SUCLG2: variants seen among roughly 807,000 people sequenced by gnomAD.
SUCLG2 encodes the protein succinate--CoA ligase [GDP-forming] subunit beta, mitochondrial.
Under a neutral mutation model 47.9 loss-of-function variants are expected in SUCLG2, and 42 were observed. That is an observed-to-expected ratio of 0.88 (90% CI 0.69 to 1.14). SUCLG2 has a LOEUF of 1.14. Among genes scored for constraint, SUCLG2 ranks in the 50% most tolerant of loss-of-function variants. The pLI is 0.00. For missense variants in SUCLG2, 571 were observed against 525.9 expected (o/e 1.09, Z -0.84); for synonymous variants, 195 against 197.3 (o/e 0.99, Z 0.10).
intron 9 of SUCLG2, among the ~76,000 whole-genome samples, chr3:67,479,346 G>A (rs117622094): frequency 6.6e-6 from 1 of 151,864 alleles, no homozygotes; most frequent in African/African-American, 2.4e-5. Context: ...AAAAGCAGTG[G>A]TTTTTTCATT....
intron 1 of SUCLG2, among the ~76,000 whole-genome samples, chr3:67,640,702 CT>C (rs1430382298): frequency 6.6e-6 from 1 of 152,212 alleles, no homozygotes; most frequent in African/African-American, 2.4e-5. Flanking sequence ...CCTTTTTCAA[CT>C]ACTGCTATTA....
chr3:67,397,362 A>G (rs13060092), intron 10 of SUCLG2, among the ~76,000 whole-genome samples: 59,999 of 150,048 alleles, frequency 0.4, 12,358 homozygotes, highest in Middle Eastern at 0.53. Flanking sequence ...AATCACAAGC[A>G]TTCTTATACA....
intron 9 of SUCLG2, among the ~76,000 whole-genome samples, chr3:67,433,926 C>CA (rs532103403): frequency 1.3e-5 from 2 of 151,960 alleles, no homozygotes; most frequent in African/African-American, 2.4e-5. Flanking sequence ...TTTCTGTTCA[C>CA]AAAAAATTGT....
chr3:67,503,824 G>C (rs912440045), intron 7 of SUCLG2, among the ~76,000 whole-genome samples: 2 of 152,184 alleles, frequency 1.3e-5, no homozygotes, highest in Non-Finnish European at 2.9e-5. Context: ...TGCATAGGGT[G>C]TTTTGTTGTT....
chr3:67,580,155 GA>G (rs1267364598), intron 2 of SUCLG2, among the ~76,000 whole-genome samples: 1 of 151,776 alleles, frequency 6.6e-6, no homozygotes, highest in African/African-American at 2.4e-5. Context: ...AAACTTCATG[GA>G]ATAAAGAATA....
At chr3:67,368,955 A>C (rs1406459893) in intron 10 of SUCLG2, among the ~76,000 whole-genome samples, 2 of 152,168 alleles carry the variant, frequency 1.3e-5, no homozygotes, top group Admixed American at 6.5e-5. Context: ...ATGTTAAATT[A>C]GTAAATGTAG....
At chr3:67,559,816 A>T (rs1707261433) in intron 2 of SUCLG2, among the ~76,000 whole-genome samples, 1 of 152,152 alleles carries the variant, frequency 6.6e-6, no homozygotes, top group South Asian at 2.1e-4. Context: ...ATAATTAGAC[A>T]TTTGTCCAAA....
chr3:67,642,745 T>C (rs916525167), intron 1 of SUCLG2, among the ~76,000 whole-genome samples: 18 of 152,304 alleles, frequency 1.2e-4, no homozygotes, highest in South Asian at 8.3e-4. Context: ...GCCCACAGAA[T>C]GTGCTTGATA....
chr3:67,577,863 T>C (rs1452587123), intron 2 of SUCLG2, among the ~76,000 whole-genome samples: 3 of 152,178 alleles, frequency 2.0e-5, no homozygotes, highest in African/African-American at 4.8e-5. Flanking sequence ...AATGGAATTA[T>C]AGTTCCATTT....
chr3:67,446,678 C>T (rs981255482), intron 9 of SUCLG2, among the ~76,000 whole-genome samples: 3 of 151,440 alleles, frequency 2.0e-5, no homozygotes, highest in East Asian at 2.0e-4. Flanking sequence ...GTGATGTGCC[C>T]GCCTCGGCCT....
At chr3:67,560,131 G>A (rs1004879778) in intron 2 of SUCLG2, among the ~76,000 whole-genome samples, 3 of 152,166 alleles carry the variant, frequency 2.0e-5, no homozygotes, top group Admixed American at 2.0e-4. Context: ...CAGGACCTCT[G>A]AAAATTCAGT....
At chr3:67,544,422 AG>A (rs779940405) in intron 2 of SUCLG2, among the ~76,000 whole-genome samples, 8 of 152,154 alleles carry the variant, frequency 5.3e-5, no homozygotes, top group South Asian at 2.1e-4. Context: ...ATGGTTTAAA[AG>A]TGGCACTCCC....
chr3:67,399,618 GA>G (rs754723381), intron 10 of SUCLG2, among the ~76,000 whole-genome samples: 7 of 150,858 alleles, frequency 4.6e-5, no homozygotes, highest in Non-Finnish European at 1.0e-4. Context: ...TAACAAATGT[GA>G]TTTTTTTTAT....
intron 10 of SUCLG2, among the ~76,000 whole-genome samples, chr3:67,384,278 A>G (rs1490829726): frequency 6.6e-6 from 1 of 152,208 alleles, no homozygotes; most frequent in Non-Finnish European, 1.5e-5. Flanking sequence ...GGAGATTTAG[A>G]TAGAGATAAC....
At chr3:67,473,272 C>T (rs951987627) in intron 9 of SUCLG2, among the ~76,000 whole-genome samples, 10 of 152,094 alleles carry the variant, frequency 6.6e-5, no homozygotes, top group Non-Finnish European at 1.3e-4. Context: ...CTTGACCTCC[C>T]GGACTAAGGT....
At chr3:67,495,649 C>CT (rs1315875444) in intron 9 of SUCLG2, 149 bp downstream of exon 9, 1 of 805,572 alleles carries the variant, frequency 1.2e-6, no homozygotes, top group Non-Finnish European at 1.8e-6. Context: ...AAGACTCCGT[C>CT]TCAAAAAAAA....
At chr3:67,607,229 C>T (rs1700435016) in intron 2 of SUCLG2, among the ~76,000 whole-genome samples, 1 of 152,144 alleles carries the variant, frequency 6.6e-6, no homozygotes. Context: ...CCACATCAGT[C>T]TCTTGAGCAC....
chr3:67,521,603 C>CT lies in SUCLG2; in HGVS notation c.418-970dup, dbSNP rs200484860. ...ACAGGATGCCTTTCTTTTTTTTAAT[C>CT]TTTTTTTTTTTTAAAAAAAGACAGA... On this transcript the variant is annotated intron_variant, in intron 4 of 10. Coordinates refer to ENST00000307227, the MANE Select transcript of SUCLG2 (RefSeq NM_003848.4). Among the ~76,000 whole-genome samples the CT allele has an allele frequency of 8.8e-3, 1,297 of 147,760 alleles. 21 individuals carry two copies. The highest frequency in any genetic ancestry group is 0.027 in the African/African-American group (1,089 of 39,836).
chr3:67,526,250 G>A (rs534808204), intron 4 of SUCLG2, among the ~76,000 whole-genome samples: 13 of 152,248 alleles, frequency 8.5e-5, no homozygotes, highest in South Asian at 2.1e-4. Flanking sequence ...GTCTTGGGCC[G>A]CACATAAAAT....
Sources: allele counts gnomAD v4.1 joint callset (sites outside exome capture counted in the v4.1 genomes callset), GRCh38; gene constraint gnomAD v4.1.1; transcripts MANE v1.5; gene names NCBI Gene and HGNC (gene_info 2026-07-23, HGNC 2026-07-21).